Variants in RIMBP2 observed in about 807,000 individuals in gnomAD.
The protein encoded by RIMBP2 is RIMS-binding protein 2.
In RIMBP2, 48 loss-of-function variants were observed where a neutral mutation model predicts 118.6. That is an observed-to-expected ratio of 0.40 (90% CI 0.32 to 0.51). RIMBP2 has a LOEUF of 0.51. RIMBP2 is among the 20% of genes least tolerant of loss of function. The pLI is 0.41. For missense variants in RIMBP2, 1,551 were observed against 1,768.3 expected (o/e 0.88, Z 2.20); for synonymous variants, 762 against 742.9 (o/e 1.03, Z -0.42).
At chr12:130,455,290 T>C (rs576181441) in intron 7 of RIMBP2, among the ~76,000 whole-genome samples, 6 of 152,332 alleles carry the variant, frequency 3.9e-5, no homozygotes, top group Admixed American at 1.3e-4. Context: ...TCCAGGACCA[T>C]CTAGAAGAGC....
chr12:130,711,957 A>G (rs1030930295), intron 1 of RIMBP2, among the ~76,000 whole-genome samples: 1 of 152,256 alleles, frequency 6.6e-6, no homozygotes, highest in Admixed American at 6.5e-5. Flanking sequence ...TGTACTGAGT[A>G]CTGTAGGCCA....
At chr12:130,689,515 G>T (rs549468119) in intron 1 of RIMBP2, among the ~76,000 whole-genome samples, 1 of 152,122 alleles carries the variant, frequency 6.6e-6, no homozygotes, top group Non-Finnish European at 1.5e-5. Flanking sequence ...CTGCAGGCCC[G>T]AGAAAAAGGA....
intron 8 of RIMBP2, 34 bp downstream of exon 8, chr12:130,451,161 G>T (rs978325871): frequency 6.2e-7 from 1 of 1,605,174 alleles, no homozygotes. Context: ...CACAGCACAG[G>T]CAGCCCCGGC....
At position 130,470,634 on chromosome 12, in the gene RIMBP2, A is replaced by G. The variant is rs2080921789; in HGVS notation, c.153+59T>C. On this transcript the variant is annotated intron_variant, in intron 6 of 22. Coordinates refer to ENST00000690449, the MANE Select transcript of RIMBP2 (RefSeq NM_001393629.1). The stretch of plus-strand genomic sequence containing the variant: ...TCATCTATTATTTCTAGCAGGCATC[A>G]GGGCAACTCTCCCCAACGTCCCCCA... 3 of 985,408 alleles carry G rather than the reference A, an allele frequency of 3.0e-6. No individual in the cohort carries two copies. The Admixed American group carries it at 1.3e-4, about 42-fold the overall frequency. The allele number at this position is 985,408 out of a possible 1,614,324, so 61.0% of individuals were successfully genotyped here. A position where few individuals can be genotyped will look rare whatever the true frequency, so the allele number is the denominator to read the frequency against.
Position 130,475,100 on chromosome 12 carries a change from A to G in RIMBP2, c.102+3812T>C, listed in dbSNP as rs2081321342. 6.6e-6 allele frequency among the ~76,000 whole-genome samples: 1 copy of G among 152,306 alleles called. No homozygotes were observed. Among genetic ancestry groups the G allele is most frequent in the Admixed American group, 6.5e-5 (1 of 15,300 alleles). Reference sequence around the variant, plus strand: ...TAAACTGTGTCTCTGCTCAGGTCCCAGAGACGAGGGCTGCAGCATGAGCTC... The same window carrying G: ...TAAACTGTGTCTCTGCTCAGGTCCCGGAGACGAGGGCTGCAGCATGAGCTC... On this transcript the variant is annotated intron_variant, in intron 5 of 22. Transcript: ENST00000690449. The surrounding 1 kb of genome is among the most constrained non-coding windows in gnomAD (Gnocchi z 4.1).
At chr12:130,698,329 C>T (rs897671116) in intron 1 of RIMBP2, among the ~76,000 whole-genome samples, 9 of 152,172 alleles carry the variant, frequency 5.9e-5, no homozygotes, top group Admixed American at 3.9e-4. Context: ...GAAGGCCGTC[C>T]GTCCCTGCTA....
intron 2 of RIMBP2, among the ~76,000 whole-genome samples, chr12:130,613,813 CAAA>C (rs376443531): frequency 4.8e-5 from 5 of 105,052 alleles, no homozygotes; most frequent in South Asian, 3.5e-4. Context: ...GACTCTGTCT[CAAA>C]AAAAAAAAAA....
chr12:130,552,333 G>T (rs549514600), intron 2 of RIMBP2, among the ~76,000 whole-genome samples: 53 of 152,226 alleles, frequency 3.5e-4, no homozygotes, highest in African/African-American at 1.2e-3. Flanking sequence ...GTTACCTTAA[G>T]ACAAATCATG....
chr12:130,711,166 C>G (rs1949890793), intron 1 of RIMBP2, among the ~76,000 whole-genome samples: 1 of 152,170 alleles, frequency 6.6e-6, no homozygotes, highest in Non-Finnish European at 1.5e-5. Context: ...TCGCTTGAGC[C>G]CAGGAGGCGG....
At chr12:130,444,068 G>A (rs76907336) in intron 10 of RIMBP2, among the ~76,000 whole-genome samples, 2,096 of 152,274 alleles carry the variant, frequency 0.014, 47 homozygotes, top group African/African-American at 0.048. Flanking sequence ...ATGCTTCTGT[G>A]GGCTCCATGT....
At chr12:130,487,489 G>T in intron 4 of RIMBP2, among the ~76,000 whole-genome samples, 1 of 152,148 alleles carries the variant, frequency 6.6e-6, no homozygotes, top group East Asian at 1.9e-4. Context: ...TTTGCCTTCT[G>T]CCATGTTTGG....
At chr12:130,650,973 A>AAAAAG (rs71088775) in intron 1 of RIMBP2, among the ~76,000 whole-genome samples, 3,857 of 142,816 alleles carry the variant, frequency 0.027, 70 homozygotes, top group Non-Finnish European at 0.04. Flanking sequence ...AAAAAAAAAA[A>AAAAAG]AAAGAAAGAA....
intron 12 of RIMBP2, 30 bp downstream of exon 12, chr12:130,438,335 A>ACCGGGGGGGC: frequency 1.2e-6 from 1 of 865,014 alleles, no homozygotes; most frequent in Non-Finnish European, 1.9e-6. Flanking sequence ...GGCCTAACAA[A>ACCGGGGGGGC]CCCTCCCCAC....
chr12:130,562,236 A>G (rs973039679), intron 2 of RIMBP2, among the ~76,000 whole-genome samples: 1 of 152,236 alleles, frequency 6.6e-6, no homozygotes, highest in African/African-American at 2.4e-5. Flanking sequence ...GAAACTTAGA[A>G]TACTTTATTC....
At chr12:130,453,586 T>C (rs11060897) in intron 7 of RIMBP2, among the ~76,000 whole-genome samples, 22,634 of 152,186 alleles carry the variant, frequency 0.15, 1,835 homozygotes, top group African/African-American at 0.23. Context: ...GGCACAGAGA[T>C]ACAAACATGG....
At chr12:130,572,547 C>T (rs1482623510) in intron 2 of RIMBP2, among the ~76,000 whole-genome samples, 3 of 151,978 alleles carry the variant, frequency 2.0e-5, no homozygotes, top group Non-Finnish European at 2.9e-5. Flanking sequence ...TACTGGGCTG[C>T]GTGAACTTGC....
intron 1 of RIMBP2, among the ~76,000 whole-genome samples, chr12:130,673,256 G>A (rs1029315223): frequency 5.3e-5 from 8 of 152,206 alleles, no homozygotes; most frequent in Admixed American, 2.6e-4. Flanking sequence ...GGGCTGGCTC[G>A]TCTGCCAACC....
At chr12:130,520,859 T>A (rs1001111391) in intron 2 of RIMBP2, among the ~76,000 whole-genome samples, 1 of 152,108 alleles carries the variant, frequency 6.6e-6, no homozygotes, top group Non-Finnish European at 1.5e-5. Context: ...ACAGCAAAGG[T>A]ACCAGCTTGA....
intron 22 of RIMBP2, chr12:130,399,034 G>T: frequency 9.7e-6 from 6 of 619,712 alleles, no homozygotes; most frequent in South Asian, 4.4e-5. Flanking sequence ...ACCCCACAAT[G>T]AAGCCTTAAG....
Sources: allele counts gnomAD v4.1 joint callset (sites outside exome capture counted in the v4.1 genomes callset), GRCh38; gene constraint gnomAD v4.1.1; non-coding constraint Gnocchi (gnomAD v3.1); transcripts MANE v1.5; gene names NCBI Gene and HGNC (gene_info 2026-07-23, HGNC 2026-07-21).